Variants in NPAS3 observed in about 807,000 individuals in gnomAD.
The protein encoded by NPAS3 is neuronal PAS domain protein 3.
Under a neutral mutation model 73.1 loss-of-function variants are expected in NPAS3, and 14 were observed. The ratio of observed to expected loss-of-function variants is 0.19; its 90% CI spans 0.13 to 0.30. NPAS3 has a LOEUF of 0.30. NPAS3 is among the 10% of genes least tolerant of loss of function. The pLI, the probability that NPAS3 is intolerant of heterozygous loss-of-function variation, is 1.00. For missense variants in NPAS3, 1,096 were observed against 1,250.0 expected (o/e 0.88, Z 1.86); for synonymous variants, 620 against 541.5 (o/e 1.14, Z -2.01).
At chr14:33,317,636 C>G (rs2043261810) in intron 3 of NPAS3, among the ~76,000 whole-genome samples, 1 of 151,956 alleles carries the variant, frequency 6.6e-6, no homozygotes, top group Admixed American at 6.6e-5. Context: ...GGCTTTTCCC[C>G]TTTTGCTTGG....
At chr14:33,217,185 A>G (rs2047256654) in intron 3 of NPAS3, among the ~76,000 whole-genome samples, 1 of 152,094 alleles carries the variant, frequency 6.6e-6, no homozygotes, top group Admixed American at 6.6e-5. Flanking sequence ...AGAACTCACT[A>G]TCACGAGATA....
chr14:33,427,480 G>A (rs927253626), intron 4 of NPAS3, among the ~76,000 whole-genome samples: 12 of 151,384 alleles, frequency 7.9e-5, no homozygotes, highest in East Asian at 1.9e-4. Flanking sequence ...ATCTGTCGTC[G>A]ACTTCTTTTA....
chr14:33,695,454 A>G (rs1477353983), intron 6 of NPAS3, among the ~76,000 whole-genome samples: 1 of 152,218 alleles, frequency 6.6e-6, no homozygotes, highest in Non-Finnish European at 1.5e-5. Context: ...CTTGATTTTG[A>G]ATTAAACTCC....
intron 6 of NPAS3, among the ~76,000 whole-genome samples, chr14:33,725,739 T>C (rs1443955150): frequency 6.6e-6 from 1 of 152,144 alleles, no homozygotes; most frequent in Non-Finnish European, 1.5e-5. Flanking sequence ...CTCCCATCTC[T>C]AGAAATTTAA....
At chr14:33,074,828 C>T (rs1197220701) in intron 2 of NPAS3, among the ~76,000 whole-genome samples, 2 of 152,074 alleles carry the variant, frequency 1.3e-5, no homozygotes. Context: ...CTGCTAGTTA[C>T]CATATTGAGA....
intron 2 of NPAS3, among the ~76,000 whole-genome samples, chr14:33,129,031 AG>A (rs752926529): frequency 6.6e-6 from 1 of 152,018 alleles, no homozygotes; most frequent in Non-Finnish European, 1.5e-5. Context: ...ATTTTTTTCC[AG>A]GTTTTTGTAA....
chr14:33,782,959 C>T (rs2063026706), intron 9 of NPAS3, among the ~76,000 whole-genome samples: 1 of 152,176 alleles, frequency 6.6e-6, no homozygotes, highest in Admixed American at 6.5e-5. Context: ...CTACACTTCC[C>T]TCCTGAAGGC....
intron 2 of NPAS3, among the ~76,000 whole-genome samples, chr14:33,084,787 G>A (rs1332086475): frequency 6.6e-6 from 1 of 152,114 alleles, no homozygotes; most frequent in Non-Finnish European, 1.5e-5. Context: ...AGGAGTATCA[G>A]GTACCTCTGG....
chr14:32,936,912 C>T (rs181654211), upstream of NPAS3, among the ~76,000 whole-genome samples: 25 of 148,400 alleles, frequency 1.7e-4, no homozygotes, highest in Admixed American at 5.4e-4. Context: ...AATCCCACTG[C>T]AGTTCTAAAG....
chr14:33,735,742 C>T (rs757952465), intron 7 of NPAS3, among the ~76,000 whole-genome samples: 2 of 151,054 alleles, frequency 1.3e-5, no homozygotes, highest in Non-Finnish European at 3.0e-5. Flanking sequence ...AAAGGCTGTC[C>T]GTTTTAATAA....
chr14:33,045,191 C>G (rs2040468304), intron 1 of NPAS3, among the ~76,000 whole-genome samples: 1 of 152,120 alleles, frequency 6.6e-6, no homozygotes, highest in Non-Finnish European at 1.5e-5. Context: ...CTAATTACAA[C>G]TCTATTACTA....
intron 5 of NPAS3, among the ~76,000 whole-genome samples, chr14:33,560,937 G>A (rs2055616702): frequency 6.6e-6 from 1 of 152,166 alleles, no homozygotes; most frequent in Admixed American, 6.5e-5. Flanking sequence ...CTGAAGCAAG[G>A]TTTGCACTTC....
intron 3 of NPAS3, among the ~76,000 whole-genome samples, chr14:33,279,422 T>A (rs1401476115): frequency 6.6e-6 from 1 of 151,432 alleles, no homozygotes; most frequent in Non-Finnish European, 1.5e-5. Context: ...TTGGAAGGAG[T>A]TGACTAACTC....
chr14:33,584,717 C>G (rs2056800686), intron 5 of NPAS3, among the ~76,000 whole-genome samples: 1 of 152,148 alleles, frequency 6.6e-6, no homozygotes, highest in South Asian at 2.1e-4. Context: ...GATGAAAAAA[C>G]TATGGAAATA....
intron 4 of NPAS3, among the ~76,000 whole-genome samples, chr14:33,419,119 A>C (rs2048270206): frequency 6.6e-6 from 1 of 151,950 alleles, no homozygotes; most frequent in Non-Finnish European, 1.5e-5. Flanking sequence ...AACATCTGAT[A>C]ATGATAAATA....
chr14:33,429,201 G>C (rs1195128720), intron 4 of NPAS3, among the ~76,000 whole-genome samples: 1 of 152,140 alleles, frequency 6.6e-6, no homozygotes, highest in Non-Finnish European at 1.5e-5. Flanking sequence ...TTTGGTATTA[G>C]TCAAAAGAAC....
chr14:33,214,392 A>G (rs933613623), intron 2 of NPAS3: 2 of 152,172 alleles, frequency 1.3e-5, no homozygotes, highest in African/African-American at 2.4e-5. Flanking sequence ...TAATATGTCT[A>G]TAATGTTTAT....
At chr14:33,305,131 G>T (rs147131483) in intron 3 of NPAS3, among the ~76,000 whole-genome samples, 1 of 151,774 alleles carries the variant, frequency 6.6e-6, no homozygotes, top group Non-Finnish European at 1.5e-5. Context: ...TAAAAGTATG[G>T]GATTAGGGCT....
chr14:33,705,150 G>T (rs2060622415), intron 6 of NPAS3, among the ~76,000 whole-genome samples: 1 of 152,138 alleles, frequency 6.6e-6, no homozygotes, highest in South Asian at 2.1e-4. Context: ...TATCACACCA[G>T]TTTTACTGAA....
Sources: allele counts gnomAD v4.1 joint callset (sites outside exome capture counted in the v4.1 genomes callset), GRCh38; gene constraint gnomAD v4.1.1; transcripts MANE v1.5; gene names NCBI Gene and HGNC (gene_info 2026-07-23, HGNC 2026-07-21).